PTPRD: variants seen among roughly 807,000 people sequenced by gnomAD.
The protein encoded by PTPRD is receptor-type tyrosine-protein phosphatase delta.
PTPRD carries 34 observed loss-of-function variants against 214.5 expected under a neutral mutation model. The ratio of observed to expected loss-of-function variants is 0.16; its 90% CI spans 0.12 to 0.21. The LOEUF is 0.21. PTPRD is among the 10% of genes least tolerant of loss of function. The pLI is 1.00. For synonymous variants in PTPRD, 1,128 were observed against 845.7 expected (o/e 1.33, Z -5.79); for missense variants, 2,545 against 2,398.7 (o/e 1.06, Z -1.27).
intron 7 of PTPRD, among the ~76,000 whole-genome samples, chr9:9,698,837 A>G (rs374938497): frequency 6.6e-6 from 1 of 152,304 alleles, no homozygotes; most frequent in African/African-American, 2.4e-5. Flanking sequence ...TCACAGATAT[A>G]AAAGTCTGAT....
At chr9:8,656,260 A>G (rs2096907434) in intron 12 of PTPRD, among the ~76,000 whole-genome samples, 2 of 152,154 alleles carry the variant, frequency 1.3e-5, no homozygotes, top group African/African-American at 4.8e-5. Context: ...TTAGCATACT[A>G]AAATTTTACA....
intron 9 of PTPRD, among the ~76,000 whole-genome samples, chr9:9,287,085 C>T (rs780463693): frequency 6.7e-6 from 1 of 150,154 alleles, no homozygotes; most frequent in South Asian, 2.1e-4. Flanking sequence ...ATCAGCTGGG[C>T]GTAGTTGTGT....
chr9:9,694,733 T>A (rs1382752046), intron 7 of PTPRD, among the ~76,000 whole-genome samples: 1 of 152,014 alleles, frequency 6.6e-6, no homozygotes, highest in Non-Finnish European at 1.5e-5. Context: ...AAGAGGAGCC[T>A]CTCCCTGTGG....
chr9:8,378,460 T>C (rs1309285912), intron 37 of PTPRD, among the ~76,000 whole-genome samples: 3 of 152,082 alleles, frequency 2.0e-5, no homozygotes, highest in African/African-American at 7.2e-5. Flanking sequence ...CCAAAGGCTT[T>C]GTTTTAAACC....
intron 8 of PTPRD, among the ~76,000 whole-genome samples, chr9:9,505,772 GTGA>G (rs997165925): frequency 6.6e-5 from 10 of 151,416 alleles, no homozygotes; most frequent in Admixed American, 3.3e-4. Context: ...ATTTATAACA[GTGA>G]TAAACCTTTT....
chr9:9,928,078 A>G (rs1003099767), intron 5 of PTPRD, among the ~76,000 whole-genome samples: 1 of 152,162 alleles, frequency 6.6e-6, no homozygotes, highest in Non-Finnish European at 1.5e-5. Context: ...TCAATATTTT[A>G]TTACACTTTG....
intron 12 of PTPRD, among the ~76,000 whole-genome samples, chr9:8,640,833 T>C (rs1253663544): frequency 2.0e-5 from 3 of 151,634 alleles, no homozygotes; most frequent in African/African-American, 4.9e-5. Context: ...CATCCTATGA[T>C]ACAAAGTAAG....
At chr9:8,589,027 G>C (rs1218578746) in intron 14 of PTPRD, among the ~76,000 whole-genome samples, 1 of 152,022 alleles carries the variant, frequency 6.6e-6, no homozygotes, top group Non-Finnish European at 1.5e-5. Context: ...GATTCTTACT[G>C]GGTTATTATA....
chr9:8,914,188 C>A (rs1248758406), intron 11 of PTPRD, among the ~76,000 whole-genome samples: 1 of 151,936 alleles, frequency 6.6e-6, no homozygotes, highest in Admixed American at 6.6e-5. Context: ...AAATTGTTTT[C>A]AATAATTTTA....
chr9:9,828,674 T>G (rs181202315), intron 5 of PTPRD, among the ~76,000 whole-genome samples: 1 of 151,638 alleles, frequency 6.6e-6, no homozygotes, highest in East Asian at 1.9e-4. Flanking sequence ...TTTGCTAATT[T>G]ACTTCCTAAT....
At chr9:9,964,740 C>T (rs1029611059) in intron 4 of PTPRD, among the ~76,000 whole-genome samples, 1 of 152,100 alleles carries the variant, frequency 6.6e-6, no homozygotes, top group Admixed American at 6.6e-5. Flanking sequence ...TCATTTTTAT[C>T]TCCATTGCTT....
intron 2 of PTPRD, among the ~76,000 whole-genome samples, chr9:10,361,912 A>T (rs2097400257): frequency 6.6e-6 from 1 of 152,214 alleles, no homozygotes; most frequent in South Asian, 2.1e-4. Flanking sequence ...ATGGGCACAC[A>T]TATTTCTTCT....
intron 11 of PTPRD, among the ~76,000 whole-genome samples, chr9:8,927,159 T>C (rs964255423): frequency 1.3e-5 from 2 of 151,956 alleles, no homozygotes; most frequent in Non-Finnish European, 2.9e-5. Context: ...GAAATAAGAG[T>C]CCTACCTCTA....
chr9:10,511,377 C>T (rs1409685239), intron 2 of PTPRD, among the ~76,000 whole-genome samples: 1 of 151,932 alleles, frequency 6.6e-6, no homozygotes, highest in Non-Finnish European at 1.5e-5. Flanking sequence ...CACTTTACCT[C>T]ACCGGCATTT....
intron 35 of PTPRD, among the ~76,000 whole-genome samples, chr9:8,410,079 A>C (rs1228459758): frequency 6.6e-6 from 1 of 152,220 alleles, no homozygotes; most frequent in East Asian, 1.9e-4. Context: ...ATGCCTTTTA[A>C]AATTCTCATT....
intron 11 of PTPRD, among the ~76,000 whole-genome samples, chr9:8,838,725 A>C (rs191022463): frequency 6.6e-6 from 1 of 152,272 alleles, no homozygotes; most frequent in African/African-American, 2.4e-5. Context: ...GATAAAAATA[A>C]ATATAATGAT....
At chr9:8,446,709 A>C (rs1433290966) in intron 34 of PTPRD, among the ~76,000 whole-genome samples, 1 of 152,242 alleles carries the variant, frequency 6.6e-6, no homozygotes, top group African/African-American at 2.4e-5. Flanking sequence ...TATATTAAAA[A>C]GCCACATTTC....
At chr9:8,583,140 C>A (rs1423304046) in intron 14 of PTPRD, among the ~76,000 whole-genome samples, 1 of 152,152 alleles carries the variant, frequency 6.6e-6, no homozygotes, top group African/African-American at 2.4e-5. Context: ...CTAGATCCCT[C>A]ACATACACAG....
intron 3 of PTPRD, among the ~76,000 whole-genome samples, chr9:10,226,963 T>C (rs1177494669): frequency 2.6e-5 from 4 of 152,028 alleles, no homozygotes; most frequent in African/African-American, 4.8e-5. Context: ...AGGAATATAA[T>C]GTTTTTGTAG....
Sources: allele counts gnomAD v4.1 joint callset (sites outside exome capture counted in the v4.1 genomes callset), GRCh38; gene constraint gnomAD v4.1.1; transcripts MANE v1.5; gene names NCBI Gene and HGNC (gene_info 2026-07-23, HGNC 2026-07-21).